MRPL9: variants seen among roughly 807,000 people sequenced by gnomAD.
MRPL9 encodes the protein large ribosomal subunit protein bL9m.
In MRPL9, 25 loss-of-function variants were observed where a neutral mutation model predicts 27.6. The ratio of observed to expected loss-of-function variants is 0.91; its 90% confidence interval spans 0.66 to 1.27. The LOEUF (loss-of-function observed/expected upper bound fraction) is 1.27, where lower values mean the gene tolerates loss of function less well. Among genes scored for constraint, MRPL9 ranks in the 50% most tolerant of loss-of-function variants. The pLI, the probability that MRPL9 is intolerant of heterozygous loss-of-function variation, is 0.00. For missense variants in MRPL9, 362 were observed against 338.0 expected (o/e 1.07, Z -0.56); for synonymous variants, 154 against 139.0 (o/e 1.11, Z -0.76).
rs200216581 is a variant in MRPL9, at chr1:151,760,181, C to G, written c.673G>C (p.Val225Leu). 351 of 1,613,952 alleles carry G rather than the reference C, an allele frequency of 2.2e-4. No individual in the cohort carries two copies. The highest frequency in any genetic ancestry group is 8.0e-4 in the Admixed American group (48 of 59,978). The change falls in exon 7 of 7, where the codon GTA becomes CTA. Residue 225 changes from valine to leucine, a missense_variant and splice_region_variant. Coordinates refer to ENST00000368830, the MANE Select transcript of MRPL9 (RefSeq NM_031420.4). The stretch of plus-strand genomic sequence containing the variant: ...ACTCTCACAGTATCAAGCCCATTTA[C>G]CTGCACACAAAACAATGGGAATTCT... ...RWGEYWCEVT[V>L]NGLDTVRVPM...
In MRPL9 at chr1:151,761,621, G is replaced by T. The variant is rs1041859969; in HGVS notation, c.487-69C>A. On this transcript the variant is annotated intron_variant, in intron 4 of 6. Coordinates refer to ENST00000368830, the MANE Select transcript of MRPL9 (RefSeq NM_031420.4). ...CAGGGTCACAGGGTATGCAAGCCAA[G>T]CAAGATGGCTCATGCCTGTAATCCC... 14 of 1,189,790 alleles carry T rather than the reference G, an allele frequency of 1.2e-5. No individual in the cohort carries two copies. The African/African-American group carries it at 1.8e-4, about 15-fold the overall frequency. The allele number at this position is 1,189,790 out of a possible 1,614,324, so 73.7% of individuals were successfully genotyped here. A position where few individuals can be genotyped will look rare whatever the true frequency, so the allele number is the denominator to read the frequency against.
chr1:151,760,576 CAAAA>C (rs11454049), intron 6 of MRPL9, among the ~76,000 whole-genome samples: 2 of 50,346 alleles, frequency 4.0e-5, no homozygotes, highest in African/African-American at 1.7e-4. Flanking sequence ...GACTCCAGCT[CAAAA>C]AAAAAAAAAA....
At chr1:151,760,207 C>G in intron 6 of MRPL9, 26 bp from the exon 7 acceptor site, 1 of 1,613,838 alleles carries the variant, frequency 6.2e-7, no homozygotes, top group Non-Finnish European at 8.5e-7. Flanking sequence ...TGGGAATTCT[C>G]AGAGATCAGT....
At position 151,763,393 on chromosome 1, in the gene MRPL9, T is replaced by C; in HGVS notation, c.87A>G (p.Leu29=). Residue 29 remains leucine (L), a synonymous_variant, in exon 1 of 7, where the codon CTA becomes CTG. Coordinates refer to ENST00000368830, the MANE Select transcript of MRPL9 (RefSeq NM_031420.4). ...GRLLRGGVQE[L]LRPRHEGNAP... ...CGTTCCCTTCATGTCGCGGCCGCAGTAGCTCCTGGACGCCTCCCCGAAGCA... is the reference window on the plus strand; with the variant it reads ...CGTTCCCTTCATGTCGCGGCCGCAGCAGCTCCTGGACGCCTCCCCGAAGCA... The C allele has an allele frequency of 6.4e-7, 1 of 1,567,084 alleles. No homozygotes were observed. The highest frequency in any genetic ancestry group is 1.2e-5 in the South Asian group (1 of 85,650).
chr1:151,763,372 C>G lies in MRPL9; in HGVS notation c.108G>C (p.Gly36=), dbSNP rs1204143950. 6.4e-7 allele frequency: 1 copy of G among 1,572,928 alleles called. No homozygotes were observed. The highest frequency in any genetic ancestry group is 8.6e-7 in the Non-Finnish European group (1 of 1,158,026). The change falls in exon 1 of 7, where the codon GGG becomes GGC. Residue 36 remains glycine (G), a synonymous_variant. Transcript: ENST00000368830. ...VQELLRPRHE[G]NAPDLACNFS... ...AGTTGCAGGCCAGGTCAGGGGCGTT[C>G]CCTTCATGTCGCGGCCGCAGTAGCT... is the stretch of plus-strand genomic sequence containing the variant.
At chr1:151,761,626 A>C (rs946147062) in intron 4 of MRPL9, 74 bp from the exon 5 acceptor site, 2 of 1,130,120 alleles carry the variant, frequency 1.8e-6, no homozygotes, top group African/African-American at 3.1e-5. Context: ...GCCAAGCAAG[A>C]TGGCTCATGC....
intron 4 of MRPL9, 91 bp downstream of exon 4, chr1:151,762,014 C>T (rs748849596): frequency 5.1e-5 from 66 of 1,301,306 alleles, no homozygotes; most frequent in Non-Finnish European, 6.9e-5. Flanking sequence ...CTTGGGTCTG[C>T]AATCAGGAGA....
intron 1 of MRPL9, 44 bp from the exon 2 acceptor site, chr1:151,763,190 C>A: frequency 6.3e-7 from 1 of 1,590,514 alleles, no homozygotes; most frequent in Non-Finnish European, 8.6e-7. Context: ...CCACAAGGAA[C>A]ACCCTCTCCC....
rs1558127798 is a variant in MRPL9, at chr1:151,761,565, A to ATGAG, written c.487-17_487-14dup. On this transcript the variant is annotated splice_polypyrimidine_tract_variant and intron_variant, in intron 4 of 6. Coordinates refer to ENST00000368830, the MANE Select transcript of MRPL9 (RefSeq NM_031420.4). ...GAAATTTCACTGTCTGAAAGGAATT[A>ATGAG]TGAGTTTGAGTCAAAGGAGAGGAAA... 1 of 1,588,102 alleles carries ATGAG rather than the reference A, an allele frequency of 6.3e-7. No individual in the cohort carries two copies. The highest frequency in any genetic ancestry group is 8.6e-7 in the Non-Finnish European group (1 of 1,157,262).
Position 151,763,325 on chromosome 1 carries a change from A to G in MRPL9, c.153+2T>C. 1 of 1,593,972 alleles carries G rather than the reference A, an allele frequency of 6.3e-7. No homozygotes were observed. Among genetic ancestry groups the G allele is most frequent in the Non-Finnish European group, 8.6e-7 (1 of 1,169,474 alleles). On this transcript the variant is annotated splice_donor_variant, in intron 1 of 6. Transcript: ENST00000368830. LOFTEE classifies it high-confidence loss of function. ...ACCCCCTACCCCAGACTCAGCCCTC[A>G]CCCGATTTTGAGAAAGGCTGAAGTT...
intron 6 of MRPL9, 52 bp downstream of exon 6, chr1:151,760,764 A>T: frequency 1.3e-6 from 2 of 1,481,640 alleles, no homozygotes; most frequent in Non-Finnish European, 1.8e-6. Context: ...AAAAGGAAAA[A>T]GTGGGGGAAA....
Position 151,760,042 on chromosome 1 carries a change from G to C in MRPL9, c.*8C>G, listed in dbSNP as rs369923604. ...ATTCTGCTTTGCTGCCTTGGAGGGA[G>C]AGTAGATTTAGATCTGGGGGCTGGT... On this transcript the variant is annotated 3_prime_UTR_variant, in exon 7 of 7. Coordinates refer to ENST00000368830, the MANE Select transcript of MRPL9 (RefSeq NM_031420.4). 5.0e-6 allele frequency: 8 copies of C among 1,612,862 alleles called. No individual in the cohort carries two copies. In the African/African-American group the frequency reaches 1.1e-4, roughly 22 times the overall value.
chr1:151,762,067 TC>T (rs767618866), intron 4 of MRPL9, 37 bp downstream of exon 4: 4 of 1,606,828 alleles, frequency 2.5e-6, no homozygotes, highest in South Asian at 1.1e-5. Context: ...GGTTGGTAAG[TC>T]TTGTGACAAA....
intron 2 of MRPL9, 162 bp downstream of exon 2, chr1:151,762,828 G>C: frequency 1.1e-6 from 1 of 885,728 alleles, no homozygotes; most frequent in East Asian, 2.5e-5. Context: ...CTGGAGGCCA[G>C]TGTCACAATC....
At chr1:151,761,031 C>G in intron 5 of MRPL9, 132 bp from the exon 6 acceptor site, 1 of 756,414 alleles carries the variant, frequency 1.3e-6, no homozygotes, top group Non-Finnish European at 2.0e-6. Context: ...GGGGTGTCTA[C>G]TCTGGCTGAT....
In MRPL9 at chr1:151,763,138, G is replaced by T; in HGVS notation, c.162C>A (p.Val54=). 1 of 1,613,198 alleles carries T rather than the reference G, an allele frequency of 6.2e-7. No individual in the cohort carries two copies. The highest frequency in any genetic ancestry group is 1.1e-5 in the South Asian group (1 of 90,998). The change falls in exon 2 of 7, where the codon GTC becomes GTA. Residue 54 remains valine (V), a synonymous_variant. Transcript: ENST00000368830. ...NFSLSQNRGT[V]IVERWWKVPL... ...GTACCTTCCACCAGCGCTCCACGATGACCGTGCCCTGGCGGCCAGGAAAGC... is the reference window on the plus strand; with the variant it reads ...GTACCTTCCACCAGCGCTCCACGATTACCGTGCCCTGGCGGCCAGGAAAGC...
chr1:151,761,961 C>T (rs1648104769), intron 4 of MRPL9, 144 bp downstream of exon 4: 6 of 786,914 alleles, frequency 7.6e-6, no homozygotes, highest in Non-Finnish European at 1.3e-5. Flanking sequence ...GGTCTCCATA[C>T]CTGTTTTGTG....
chr1:151,759,788 T>C lies in MRPL9; in HGVS notation c.*262A>G, dbSNP rs765527668. ...CCAATGGAGGAAGAAGCTAAACAGG[T>C]TTTGGATGGTTTCGGTCTACTGCAT... On this transcript the variant is annotated 3_prime_UTR_variant, in exon 7 of 7. Transcript: ENST00000368830. The C allele has an allele frequency of 5.5e-6, 2 of 362,694 alleles. No homozygotes were observed. Among genetic ancestry groups the C allele is most frequent in the African/African-American group, 2.1e-5 (1 of 47,126 alleles). 22.5% of individuals were successfully genotyped at this position (362,694 alleles called of 1,614,324 possible). A position where few individuals can be genotyped will look rare whatever the true frequency, so the allele number is the denominator to read the frequency against.
rs751347002 is a variant in MRPL9 at position 151,762,437 on chromosome 1, G to A, written c.374C>T (p.Pro125Leu). ...GGATGCATATACAGCCAGTCCCTGA[G>A]GAAGGAGTCGATTCCGGCCTAAAGA... Reference protein sequence around the residue: ...KKSLGRNRLLPQGLAVYASPE... With the variant: ...KKSLGRNRLLLQGLAVYASPE... The change falls in exon 3 of 7, where the codon CCT becomes CTT. Residue 125 changes from proline to leucine, a missense_variant. Coordinates refer to ENST00000368830, the MANE Select transcript of MRPL9 (RefSeq NM_031420.4). The A allele has an allele frequency of 1.9e-6, 3 of 1,614,166 alleles. No individual in the cohort carries two copies. The highest frequency in any genetic ancestry group is 2.5e-6 in the Non-Finnish European group (3 of 1,180,008).
Sources: gnomAD v4.1 joint callset for allele counts (sites outside exome capture counted in the v4.1 genomes callset) on GRCh38, gnomAD v4.1.1 for gene constraint, MANE v1.5 for transcripts, NCBI Gene and HGNC (gene_info 2026-07-23, HGNC 2026-07-21) for gene names.